The following SMAD2 variants were observed in gnomAD, a reference collection of about 807,000 sequenced individuals.
SMAD2 encodes the protein SMAD family member 2, also known as MAD homolog 2.
In SMAD2, 8 loss-of-function variants were observed where a neutral mutation model predicts 64.4. The ratio of observed to expected loss-of-function variants is 0.12; its 90% confidence interval spans 0.07 to 0.22. The LOEUF (loss-of-function observed/expected upper bound fraction) is 0.22. Ranked by LOEUF, SMAD2 falls within the 10% of genes least tolerant of loss-of-function variation. SMAD2 has a pLI of 1.00. For synonymous variants in SMAD2, 203 were observed against 195.8 expected (o/e 1.04, Z -0.31); for missense variants, 289 against 561.2 (o/e 0.51, Z 4.90).
chr18:47,862,567 A>C (rs1432827941), intron 6 of SMAD2, among the ~76,000 whole-genome samples: 1 of 152,218 alleles, frequency 6.6e-6, no homozygotes, highest in African/African-American at 2.4e-5. Context: ...GTCATATAGA[A>C]TTAGGGCCCA....
chr18:47,850,307 G>A (rs1322201377), intron 7 of SMAD2, among the ~76,000 whole-genome samples: 30 of 20,934 alleles, frequency 1.4e-3, no homozygotes, highest in Middle Eastern at 0.019. Context: ...TATATATTAT[G>A]TATGTTATAT....
At chr18:47,871,968 T>C (rs1466254237) in intron 2 of SMAD2, among the ~76,000 whole-genome samples, 2 of 152,214 alleles carry the variant, frequency 1.3e-5, no homozygotes, top group Non-Finnish European at 2.9e-5. Flanking sequence ...TTCTGCTCTG[T>C]ATCAGAACAT....
chr18:47,817,474 A>AT lies in SMAD2; in HGVS notation c.*24352dup, dbSNP rs939482021. 29 of 151,260 alleles carry AT rather than the reference A, an allele frequency of 1.9e-4. No individual in the cohort carries two copies. The highest frequency in any genetic ancestry group is 3.4e-3 in the Middle Eastern group (1 of 296). 9.4% of individuals were successfully genotyped at this position (151,260 alleles called of 1,614,324 possible). A position where few individuals can be genotyped will look rare whatever the true frequency, so the allele number is the denominator to read the frequency against. Reference sequence around the variant, plus strand: ...TTTGAGTACTCTGGATTTAAAAACAATTTTTTTTTAGAGACAGTGTCTCAC... The same window carrying AT: ...TTTGAGTACTCTGGATTTAAAAACAATTTTTTTTTTAGAGACAGTGTCTCAC... On this transcript the variant is annotated 3_prime_UTR_variant, in exon 11 of 11. Coordinates refer to ENST00000262160, the MANE Select transcript of SMAD2 (RefSeq NM_005901.6).
In SMAD2 at chr18:47,903,722, A is replaced by G. The variant is rs1203918492; in HGVS notation, c.-53-6913T>C. Among the ~76,000 whole-genome samples the G allele has an allele frequency of 2.0e-5, 3 of 152,164 alleles. No individual in the cohort carries two copies. In the East Asian group the frequency reaches 5.8e-4, roughly 29 times the overall value. ...AAACTTCATCACAGATATCAAAGTT[A>G]CAAAAGAGGATCACAGGAAAACGTT... On this transcript the variant is annotated intron_variant, in intron 1 of 10. Transcript: ENST00000262160.
At chr18:47,842,747 C>A (rs1427853828) in intron 10 of SMAD2, among the ~76,000 whole-genome samples, 1 of 152,150 alleles carries the variant, frequency 6.6e-6, no homozygotes, top group Non-Finnish European at 1.5e-5. Context: ...GTGTTAAAAG[C>A]TGGAATTCAA....
intron 7 of SMAD2, 52 bp from the exon 8 acceptor site, chr18:47,848,739 T>C (rs1914780372): frequency 7.9e-7 from 1 of 1,271,632 alleles, no homozygotes; most frequent in Non-Finnish European, 1.1e-6. Context: ...GCGTGAACAA[T>C]TCAAGCCAAA....
At position 47,849,785 on chromosome 18, in the gene SMAD2, T is replaced by C. The variant is rs141161579; in HGVS notation, c.785-1098A>G. On this transcript the variant is annotated intron_variant, in intron 7 of 10. Transcript: ENST00000262160. ...CACTTTAGGAGGTCAAGGTGGGTGA[T>C]TCGTTTGAGGCCAGGAGTTTGAGAC... Among the ~76,000 whole-genome samples, 78 of 151,968 alleles carry C rather than the reference T, an allele frequency of 5.1e-4. 1 individual carries two copies. The East Asian group carries it at 0.013, about 25-fold the overall frequency.
chr18:47,870,427 C>T (rs2031862310), intron 3 of SMAD2, 48 bp downstream of exon 3: 1 of 1,368,286 alleles, frequency 7.3e-7, no homozygotes, highest in East Asian at 2.3e-5. Flanking sequence ...CAAAATATAC[C>T]CCCCTCCCAC....
In SMAD2 at chr18:47,841,167, C is replaced by CA. The variant is rs1004855638; in HGVS notation, c.*659dup. On this transcript the variant is annotated 3_prime_UTR_variant, in exon 11 of 11. Transcript: ENST00000262160. ...AGTTAAAAAAAAAAACAAAAAAAAA[C>CA]AAAAAACCACAAAAAGAATGACTGT... The CA allele has an allele frequency of 4.9e-5, 11 of 225,902 alleles. No homozygotes were observed. Among genetic ancestry groups the CA allele is most frequent in the South Asian group, 3.8e-4 (2 of 5,326 alleles). The allele number at this position is 225,902 out of a possible 1,614,324, so 14.0% of individuals were successfully genotyped here.
At chr18:47,920,079 G>A (rs2034502864) in intron 1 of SMAD2, 1 of 152,172 alleles carries the variant, frequency 6.6e-6, no homozygotes, top group Non-Finnish European at 1.5e-5. Flanking sequence ...CACAGTTCCG[G>A]AGGCTGCAAG....
At chr18:47,918,606 A>T (rs1400317171) in intron 1 of SMAD2, among the ~76,000 whole-genome samples, 1 of 152,264 alleles carries the variant, frequency 6.6e-6, no homozygotes, top group Non-Finnish European at 1.5e-5. Flanking sequence ...CAGCTTCAGG[A>T]AAAGACTATA....
At chr18:47,850,545 TA>T (rs1915271436) in intron 7 of SMAD2, among the ~76,000 whole-genome samples, 14 of 23,838 alleles carry the variant, frequency 5.9e-4, no homozygotes, top group Non-Finnish European at 9.4e-4. Flanking sequence ...ATGTTATATA[TA>T]TAATATATAT....
chr18:47,910,276 C>G (rs767433888), intron 1 of SMAD2, among the ~76,000 whole-genome samples: 1 of 151,682 alleles, frequency 6.6e-6, no homozygotes, highest in African/African-American at 2.4e-5. Context: ...TAACAGAAGA[C>G]GACGTAACAG....
intron 1 of SMAD2, among the ~76,000 whole-genome samples, chr18:47,921,948 T>C (rs2034578212): frequency 6.6e-6 from 1 of 152,200 alleles, no homozygotes; most frequent in Admixed American, 6.5e-5. Flanking sequence ...GTATAAACAA[T>C]AACAGCAAAC....
At chr18:47,891,488 T>C (rs889689748) in intron 2 of SMAD2, among the ~76,000 whole-genome samples, 3 of 151,306 alleles carry the variant, frequency 2.0e-5, no homozygotes, top group Non-Finnish European at 4.4e-5. Context: ...TTTTCAGTTA[T>C]GTACATGCTA....
chr18:47,830,576 C>CAAAAAAAAAAAAAA lies in SMAD2; in HGVS notation c.*11237_*11250dup, dbSNP rs5824708. 12 of 125,446 alleles carry CAAAAAAAAAAAAAA rather than the reference C, an allele frequency of 9.6e-5. No individual in the cohort carries two copies. The highest frequency in any genetic ancestry group is 3.9e-4 in the African/African-American group (12 of 31,100). 7.8% of individuals were successfully genotyped at this position (125,446 alleles called of 1,614,324 possible). A position where few individuals can be genotyped will look rare whatever the true frequency, so the allele number is the denominator to read the frequency against. ...GGGCAACAGAGCAAGACTCTGTCTC[C>CAAAAAAAAAAAAAA]AAAAAAAAAAAAAAAAAATTCGTTT... On this transcript the variant is annotated 3_prime_UTR_variant, in exon 11 of 11. Transcript: ENST00000262160.
chr18:47,878,026 C>CA (rs2032368105), intron 2 of SMAD2, among the ~76,000 whole-genome samples: 1 of 152,062 alleles, frequency 6.6e-6, no homozygotes, highest in Non-Finnish European at 1.5e-5. Flanking sequence ...TATCTTGTAG[C>CA]AATGAAATAG....
At chr18:47,848,735 A>G (rs1316756077) in intron 7 of SMAD2, 48 bp from the exon 8 acceptor site, 1 of 1,311,694 alleles carries the variant, frequency 7.6e-7, no homozygotes, top group South Asian at 1.2e-5. Context: ...AAATGCGTGA[A>G]CAATTCAAGC....
At position 47,857,325 on chromosome 18, in the gene SMAD2, T is replaced by A. The variant is rs373680764; in HGVS notation, c.731-5998A>T. Among the ~76,000 whole-genome samples the A allele has an allele frequency of 2.3e-4, 34 of 150,952 alleles. 2 individuals are homozygous for A. The South Asian group carries it at 6.7e-3, about 30-fold the overall frequency. On this transcript the variant is annotated intron_variant, in intron 6 of 10. Coordinates refer to ENST00000262160, the MANE Select transcript of SMAD2 (RefSeq NM_005901.6). ...AAATATATAATGCATGAATGATCAT[T>A]TTTTCATTTCTTGTTTTAAAAAACT...
Sources: gnomAD v4.1 joint callset for allele counts (sites outside exome capture counted in the v4.1 genomes callset) on GRCh38, gnomAD v4.1.1 for gene constraint, MANE v1.5 for transcripts, NCBI Gene and HGNC (gene_info 2026-07-23, HGNC 2026-07-21) for gene names.